HNRNPA1L2: variants seen among roughly 807,000 people sequenced by gnomAD.
HNRNPA1L2 encodes the protein heterogeneous nuclear ribonucleoprotein A1 like 2.
HNRNPA1L2 carries 10 observed loss-of-function variants against 18.2 expected under a neutral mutation model. The observed-to-expected ratio is 0.55, with a 90% CI of 0.34 to 0.93. The LOEUF (loss-of-function observed/expected upper bound fraction) is 0.93, where lower values mean the gene tolerates loss of function less well. Ranked by LOEUF, HNRNPA1L2 falls within the 40% of genes least tolerant of loss-of-function variation. The probability of loss-of-function intolerance (pLI) is 0.02; values close to 1 mark genes in which losing one functional copy is unlikely to be tolerated. For synonymous variants in HNRNPA1L2, 124 were observed against 138.6 expected (o/e 0.89, Z 0.74); for missense variants, 308 against 394.4 (o/e 0.78, Z 1.85).
At chr13:52,632,827 C>T in the HNRNPA1L2 span, among the ~76,000 whole-genome samples, 1 of 152,226 alleles carries the variant, frequency 6.6e-6, no homozygotes, top group Non-Finnish European at 1.5e-5. Flanking sequence ...TGTTTGCCTA[C>T]ATGTGTGCAC....
the HNRNPA1L2 span, among the ~76,000 whole-genome samples, chr13:52,625,218 G>A: frequency 3.3e-5 from 5 of 151,764 alleles, no homozygotes; most frequent in African/African-American, 7.3e-5. Flanking sequence ...AGGTTGAAGC[G>A]ATTCTCCTTC....
chr13:52,631,744 C>G, the HNRNPA1L2 span, among the ~76,000 whole-genome samples: 4 of 152,008 alleles, frequency 2.6e-5, no homozygotes, highest in Non-Finnish European at 5.9e-5. Context: ...TTTAATCTGC[C>G]AGTAAGTTTA....
chr13:52,637,526 C>T (rs1451970571), upstream of HNRNPA1L2: 1 of 170,094 alleles, frequency 5.9e-6, no homozygotes, highest in Non-Finnish European at 1.3e-5. Flanking sequence ...AGTGTAGATA[C>T]TTACATGAAT....
the HNRNPA1L2 span, among the ~76,000 whole-genome samples, chr13:52,622,471 T>G: frequency 6.6e-6 from 1 of 152,162 alleles, no homozygotes; most frequent in Non-Finnish European, 1.5e-5. Flanking sequence ...CAAGAGGATA[T>G]CTGTACACAA....
the HNRNPA1L2 span, among the ~76,000 whole-genome samples, chr13:52,618,067 A>C: frequency 6.6e-6 from 1 of 152,310 alleles, no homozygotes; most frequent in African/African-American, 2.4e-5. Flanking sequence ...ACAGCGTGCC[A>C]GTACTGGTCA....
At chr13:52,624,565 G>T in the HNRNPA1L2 span, among the ~76,000 whole-genome samples, 9 of 152,338 alleles carry the variant, frequency 5.9e-5, no homozygotes, top group Admixed American at 3.9e-4. Flanking sequence ...TAGGAATGGA[G>T]TAATATACAT....
the HNRNPA1L2 span, among the ~76,000 whole-genome samples, chr13:52,631,016 A>G: frequency 1.3e-5 from 2 of 152,316 alleles, no homozygotes; most frequent in East Asian, 3.9e-4. Context: ...AAACTAAAAA[A>G]GTAGGAAAGG....
chr13:52,619,595 G>A, the HNRNPA1L2 span, among the ~76,000 whole-genome samples: 1 of 152,172 alleles, frequency 6.6e-6, no homozygotes, highest in Non-Finnish European at 1.5e-5. Context: ...TTACAGGCGT[G>A]AGCCGCTGCA....
At chr13:52,630,801 G>T in the HNRNPA1L2 span, among the ~76,000 whole-genome samples, 1 of 152,252 alleles carries the variant, frequency 6.6e-6, no homozygotes, top group Non-Finnish European at 1.5e-5. Flanking sequence ...AAGTGATTTA[G>T]TATCTGTTAC....
the HNRNPA1L2 span, among the ~76,000 whole-genome samples, chr13:52,636,694 TA>T: frequency 7.3e-4 from 111 of 152,352 alleles, no homozygotes; most frequent in African/African-American, 2.6e-3. Flanking sequence ...ACATATTGTA[TA>T]AAAAATATTC....
At chr13:52,636,217 C>G in the HNRNPA1L2 span, among the ~76,000 whole-genome samples, 2 of 152,148 alleles carry the variant, frequency 1.3e-5, no homozygotes, top group Non-Finnish European at 2.9e-5. Flanking sequence ...TTGGCTATTA[C>G]AAAGAAAGCT....
chr13:52,635,609 C>T, the HNRNPA1L2 span, among the ~76,000 whole-genome samples: 1 of 108,510 alleles, frequency 9.2e-6, no homozygotes, highest in Non-Finnish European at 2.2e-5. Flanking sequence ...CACACACACA[C>T]ACACACACAC....
the HNRNPA1L2 span, among the ~76,000 whole-genome samples, chr13:52,636,743 AT>A: frequency 2.0e-5 from 3 of 151,722 alleles, no homozygotes; most frequent in African/African-American, 7.3e-5. Flanking sequence ...ATACAAATTT[AT>A]TTTTTTTTCC....
the HNRNPA1L2 span, among the ~76,000 whole-genome samples, chr13:52,633,513 T>C: frequency 6.6e-6 from 1 of 152,212 alleles, no homozygotes; most frequent in Non-Finnish European, 1.5e-5. Flanking sequence ...TGAGCATTTC[T>C]GACGAATAGA....
chr13:52,643,307 A>G lies in HNRNPA1L2; in HGVS notation c.815A>G (p.Asn272Ser). ...DFGNYNNQSSNFGPMKGGNFG... is the reference protein window; with the variant it reads ...DFGNYNNQSSSFGPMKGGNFG... ...GGCAATTACAACAATCAGTCTTCAA[A>G]TTTTGGACCCATGAAGGGAGGAAAT... Residue 272 changes from asparagine (N) to serine (S), a missense_variant, in exon 1 of 1, where the codon AAT (asparagine) becomes AGT (serine). Physicochemically the swap from Asn to Ser is conservative, Grantham distance 46. Coordinates refer to ENST00000357495, the MANE Select transcript of HNRNPA1L2 (RefSeq NM_001389320.1). The G allele has an allele frequency of 1.3e-6, 2 of 1,596,600 alleles. No individual in the cohort carries two copies. The highest frequency in any genetic ancestry group is 1.7e-6 in the Non-Finnish European group (2 of 1,178,940).
At chr13:52,629,865 G>A in the HNRNPA1L2 span, among the ~76,000 whole-genome samples, 3 of 152,120 alleles carry the variant, frequency 2.0e-5, no homozygotes, top group Non-Finnish European at 2.9e-5. Flanking sequence ...CGAGGCAGGC[G>A]GATCACGAGG....
chr13:52,634,027 A>G, the HNRNPA1L2 span, among the ~76,000 whole-genome samples: 1 of 152,226 alleles, frequency 6.6e-6, no homozygotes, highest in Non-Finnish European at 1.5e-5. Context: ...TTAATCTTAA[A>G]TTCTTTTTTG....
At chr13:52,628,474 C>T in the HNRNPA1L2 span, among the ~76,000 whole-genome samples, 8 of 152,038 alleles carry the variant, frequency 5.3e-5, no homozygotes, top group Non-Finnish European at 1.0e-4. Context: ...AAAAAGAAAA[C>T]CATAAATATC....
the HNRNPA1L2 span, among the ~76,000 whole-genome samples, chr13:52,618,067 A>G: frequency 6.6e-6 from 1 of 152,310 alleles, no homozygotes; most frequent in Admixed American, 6.5e-5. Flanking sequence ...ACAGCGTGCC[A>G]GTACTGGTCA....
Sources: gnomAD v4.1 joint callset for allele counts (sites outside exome capture counted in the v4.1 genomes callset) on GRCh38, gnomAD v4.1.1 for gene constraint, MANE v1.5 for transcripts, NCBI Gene and HGNC (gene_info 2026-07-23, HGNC 2026-07-21) for gene names.